Variants in RASGRF2 observed in about 807,000 individuals in gnomAD.
RASGRF2 encodes Ras protein specific guanine nucleotide releasing factor 2, also known as ras-specific guanine nucleotide-releasing factor 2.
A neutral mutation model predicts 151.0 loss-of-function variants in RASGRF2; 76 were observed. The ratio of observed to expected loss-of-function variants is 0.50; its 90% CI spans 0.42 to 0.61. The LOEUF (loss-of-function observed/expected upper bound fraction) is 0.61. Among genes scored for constraint, RASGRF2 ranks in the 20% least tolerant of loss-of-function variants. RASGRF2 has a pLI of 0.00. For synonymous variants in RASGRF2, 504 were observed against 566.5 expected (o/e 0.89, Z 1.57); for missense variants, 1,148 against 1,564.6 (o/e 0.73, Z 4.49).
At chr5:81,031,523 A>G (rs1750247529) in intron 1 of RASGRF2, among the ~76,000 whole-genome samples, 1 of 152,228 alleles carries the variant, frequency 6.6e-6, no homozygotes, top group Non-Finnish European at 1.5e-5. Flanking sequence ...CTACATGGAA[A>G]CTGAACAACC....
chr5:80,967,926 G>T (rs1322235971), intron 1 of RASGRF2, among the ~76,000 whole-genome samples: 2 of 152,222 alleles, frequency 1.3e-5, no homozygotes, highest in Non-Finnish European at 2.9e-5. Context: ...GTGAAGTGCT[G>T]GTGTTGTGTA....
chr5:81,053,696 G>T (rs1360344861), intron 2 of RASGRF2, among the ~76,000 whole-genome samples: 1 of 152,126 alleles, frequency 6.6e-6, no homozygotes, highest in Non-Finnish European at 1.5e-5. Context: ...CTGAGGAATC[G>T]CCACACTGTC....
At chr5:81,162,841 G>A (rs957836718) in intron 17 of RASGRF2, among the ~76,000 whole-genome samples, 1 of 152,182 alleles carries the variant, frequency 6.6e-6, no homozygotes, top group Non-Finnish European at 1.5e-5. Flanking sequence ...GGGAACAAAT[G>A]AGCTAATTTC....
chr5:81,019,313 C>T (rs1014493304), intron 1 of RASGRF2: 2 of 152,290 alleles, frequency 1.3e-5, no homozygotes, highest in Non-Finnish European at 2.9e-5. Flanking sequence ...ATCTCAGAGG[C>T]ACTGCCCTCC....
intron 1 of RASGRF2, among the ~76,000 whole-genome samples, chr5:80,969,744 C>G (rs995444683): frequency 6.6e-6 from 1 of 151,442 alleles, no homozygotes; most frequent in East Asian, 1.9e-4. Flanking sequence ...AGCCACTGCG[C>G]CTGGCTAAGC....
At chr5:81,021,559 CGTGT>C (rs34148067) in intron 1 of RASGRF2, among the ~76,000 whole-genome samples, 10 of 150,014 alleles carry the variant, frequency 6.7e-5, no homozygotes, top group East Asian at 2.0e-4. Flanking sequence ...ATTGTGCGAG[CGTGT>C]GTGTGTGTGT....
intron 7 of RASGRF2, among the ~76,000 whole-genome samples, chr5:81,084,281 C>T (rs1038589069): frequency 6.6e-6 from 1 of 152,164 alleles, no homozygotes; most frequent in South Asian, 2.1e-4. Flanking sequence ...CTATTGATTG[C>T]CTTGATTTTC....
At chr5:80,979,453 CA>C (rs1748230430) in intron 1 of RASGRF2, among the ~76,000 whole-genome samples, 2 of 152,158 alleles carry the variant, frequency 1.3e-5, no homozygotes, top group Admixed American at 6.5e-5. Context: ...AGGAATGCCT[CA>C]AATTACCCTA....
At chr5:81,088,938 T>C (rs1238608104) in intron 9 of RASGRF2, among the ~76,000 whole-genome samples, 1 of 152,054 alleles carries the variant, frequency 6.6e-6, no homozygotes, top group Non-Finnish European at 1.5e-5. Flanking sequence ...GGCACTTCTG[T>C]CAGCTATGAA....
chr5:81,018,771 G>C (rs1749724769), intron 1 of RASGRF2, among the ~76,000 whole-genome samples: 1 of 151,506 alleles, frequency 6.6e-6, no homozygotes, highest in African/African-American at 2.4e-5. Context: ...ACCTAGACTG[G>C]AGAATTGCTG....
chr5:80,971,444 T>G (rs1747929352), intron 1 of RASGRF2, among the ~76,000 whole-genome samples: 1 of 152,178 alleles, frequency 6.6e-6, no homozygotes, highest in Non-Finnish European at 1.5e-5. Context: ...GACAGGGTCT[T>G]GCTGGAGTGC....
intron 1 of RASGRF2, among the ~76,000 whole-genome samples, chr5:80,985,728 A>G (rs1748452920): frequency 6.6e-6 from 1 of 152,160 alleles, no homozygotes; most frequent in Non-Finnish European, 1.5e-5. Context: ...TTTCATGGCT[A>G]GTTATTTTTA....
intron 15 of RASGRF2, 65 bp from the exon 16 acceptor site, chr5:81,123,577 T>C: frequency 6.4e-7 from 1 of 1,557,506 alleles, no homozygotes; most frequent in Non-Finnish European, 8.7e-7. Context: ...TTTCCATGCA[T>C]GATACTGACA....
At chr5:80,972,513 T>G (rs1214153143) in intron 1 of RASGRF2, among the ~76,000 whole-genome samples, 1 of 152,094 alleles carries the variant, frequency 6.6e-6, no homozygotes, top group African/African-American at 2.4e-5. Flanking sequence ...AGAGTCTTGC[T>G]CTGTCACCCA....
intron 25 of RASGRF2, 101 bp from the exon 26 acceptor site, chr5:81,219,609 G>C (rs1420559919): frequency 1.1e-6 from 1 of 927,484 alleles, no homozygotes; most frequent in Non-Finnish European, 1.7e-6. Context: ...GGAAGGGACT[G>C]ACCCTTCTGG....
intron 1 of RASGRF2, among the ~76,000 whole-genome samples, chr5:80,968,252 A>G (rs1747787975): frequency 6.6e-6 from 1 of 152,252 alleles, no homozygotes; most frequent in African/African-American, 2.4e-5. Flanking sequence ...AAATACTTTA[A>G]CACACACAAA....
intron 1 of RASGRF2, among the ~76,000 whole-genome samples, chr5:80,971,031 T>A (rs903778807): frequency 2.0e-5 from 3 of 152,236 alleles, no homozygotes; most frequent in Non-Finnish European, 4.4e-5. Context: ...TTTTATATTT[T>A]AAAAATTATT....
intron 1 of RASGRF2, among the ~76,000 whole-genome samples, chr5:80,966,880 A>G (rs1580145966): frequency 1.3e-5 from 2 of 152,372 alleles, no homozygotes; most frequent in Admixed American, 1.3e-4. Context: ...GAAAAAAATA[A>G]CAAGTTTGAG....
intron 22 of RASGRF2, among the ~76,000 whole-genome samples, chr5:81,209,426 T>C (rs1158817243): frequency 3.3e-5 from 5 of 152,104 alleles, no homozygotes; most frequent in African/African-American, 1.2e-4. Context: ...GTAAAAGGAA[T>C]AACGATTTTA....
Sources: gnomAD v4.1 joint callset for allele counts (sites outside exome capture counted in the v4.1 genomes callset) on GRCh38, gnomAD v4.1.1 for gene constraint, MANE v1.5 for transcripts, NCBI Gene and HGNC (gene_info 2026-07-23, HGNC 2026-07-21) for gene names.